The following GLYATL3 variants were observed in gnomAD, a reference collection of about 807,000 sequenced individuals.
The protein encoded by GLYATL3 is glycine-N-acyltransferase like 3, also known as glycine N-acyltransferase-like protein 3.
GLYATL3 carries 31 observed loss-of-function variants against 28.5 expected under a neutral mutation model. That is an observed-to-expected ratio of 1.09 (90% CI 0.82 to 1.47). The LOEUF (loss-of-function observed/expected upper bound fraction) is 1.47. Among genes scored for constraint, GLYATL3 ranks in the 40% most tolerant of loss-of-function variants. The pLI is 0.00. For missense variants in GLYATL3, 369 were observed against 351.5 expected, an observed-to-expected ratio of 1.05 and a Z score of -0.40; for synonymous variants, 141 against 140.2, an observed-to-expected ratio of 1.01 and a Z score of -0.04.
At position 49,527,733 on chromosome 6, in the gene GLYATL3, C is replaced by T. The variant is rs1353308635; in HGVS notation, c.*819C>T. ...CCCCCTTATTTATAGTCTACTTTCC[C>T]ATATAAAACTAAGATTTATATATAG... On this transcript the variant is annotated 3_prime_UTR_variant, in exon 6 of 6. Coordinates refer to ENST00000371197, the MANE Select transcript of GLYATL3 (RefSeq NM_001010904.2). Among the ~76,000 whole-genome samples, 1 of 152,060 alleles carries T rather than the reference C, an allele frequency of 6.6e-6. No individual in the cohort carries two copies. Among genetic ancestry groups the T allele is most frequent in the Non-Finnish European group, 1.5e-5 (1 of 68,034 alleles).
chr6:49,501,469 T>TGATTATG (rs1768912820), intron 1 of GLYATL3, among the ~76,000 whole-genome samples: 1 of 152,196 alleles, frequency 6.6e-6, no homozygotes, highest in Admixed American at 6.5e-5. Flanking sequence ...GTGAGGGATT[T>TGATTATG]AGGGTCATTT....
intron 2 of GLYATL3, among the ~76,000 whole-genome samples, chr6:49,512,508 A>C (rs1326974920): frequency 1.3e-5 from 2 of 152,074 alleles, no homozygotes; most frequent in Non-Finnish European, 2.9e-5. Flanking sequence ...CTCCTAAGGA[A>C]ATTTAGGTAA....
intron 3 of GLYATL3, among the ~76,000 whole-genome samples, chr6:49,516,897 C>A (rs1195393758): frequency 3.3e-5 from 5 of 151,458 alleles, no homozygotes; most frequent in Admixed American, 2.6e-4. Context: ...GTGGCTCATG[C>A]CTGTAATGCC....
intron 4 of GLYATL3, among the ~76,000 whole-genome samples, chr6:49,519,309 C>G (rs951027007): frequency 6.6e-6 from 1 of 152,158 alleles, no homozygotes; most frequent in Non-Finnish European, 1.5e-5. Context: ...TTGACCCAAT[C>G]ATTCTTTCTG....
intron 2 of GLYATL3, among the ~76,000 whole-genome samples, chr6:49,513,132 C>T (rs983423290): frequency 3.3e-5 from 5 of 152,098 alleles, no homozygotes; most frequent in South Asian, 4.1e-4. Flanking sequence ...GTGACCTTTA[C>T]AGGATAATAA....
At chr6:49,510,057 G>A (rs150257768) in intron 1 of GLYATL3, among the ~76,000 whole-genome samples, 7 of 122,492 alleles carry the variant, frequency 5.7e-5, no homozygotes, top group Non-Finnish European at 1.2e-4. Context: ...TTTTTTTGAC[G>A]GAGTTTTGCA....
chr6:49,506,034 T>C (rs1769005192), intron 1 of GLYATL3, among the ~76,000 whole-genome samples: 1 of 152,222 alleles, frequency 6.6e-6, no homozygotes, highest in African/African-American at 2.4e-5. Context: ...ATAGATGAGA[T>C]AATGCATAAG....
At chr6:49,520,752 A>G (rs571927719) in intron 4 of GLYATL3, among the ~76,000 whole-genome samples, 1 of 152,210 alleles carries the variant, frequency 6.6e-6, no homozygotes, top group Non-Finnish European at 1.5e-5. Flanking sequence ...ATGGTGGATT[A>G]TGCCTGTAAT....
chr6:49,508,701 G>T (rs1302437595), intron 1 of GLYATL3, among the ~76,000 whole-genome samples: 2 of 152,220 alleles, frequency 1.3e-5, no homozygotes, highest in Non-Finnish European at 2.9e-5. Context: ...TGCAGGGGAA[G>T]CACATCACGT....
intron 1 of GLYATL3, among the ~76,000 whole-genome samples, chr6:49,501,649 G>A (rs1768915050): frequency 1.3e-5 from 2 of 152,290 alleles, no homozygotes; most frequent in South Asian, 2.1e-4. Flanking sequence ...ATGATTAGCA[G>A]GATATTAATC....
At chr6:49,503,728 G>A (rs1392937382) in intron 1 of GLYATL3, among the ~76,000 whole-genome samples, 1 of 152,188 alleles carries the variant, frequency 6.6e-6, no homozygotes. Flanking sequence ...ATTGGGATGT[G>A]TGAATATAAT....
chr6:49,520,511 A>G (rs1379762793), intron 4 of GLYATL3, among the ~76,000 whole-genome samples: 1 of 152,220 alleles, frequency 6.6e-6, no homozygotes, highest in African/African-American at 2.4e-5. Context: ...ACTGTGTTCA[A>G]TACACCTTCC....
At chr6:49,516,552 C>T (rs913935465) in intron 3 of GLYATL3, among the ~76,000 whole-genome samples, 1 of 152,018 alleles carries the variant, frequency 6.6e-6, no homozygotes, top group African/African-American at 2.4e-5. Flanking sequence ...AGTTGTAATT[C>T]TTGGAGGTGA....
chr6:49,527,570 C>A lies in GLYATL3; in HGVS notation c.*656C>A, dbSNP rs1049645629. On this transcript the variant is annotated 3_prime_UTR_variant, in exon 6 of 6. Coordinates refer to ENST00000371197, the MANE Select transcript of GLYATL3 (RefSeq NM_001010904.2). Reference sequence around the variant, plus strand: ...ACACATCACTAGGCCTCTCCTTCTACGAGGTAGGGCCCAAAATTTGCATTT... The same window carrying A: ...ACACATCACTAGGCCTCTCCTTCTAAGAGGTAGGGCCCAAAATTTGCATTT... Among the ~76,000 whole-genome samples the A allele has an allele frequency of 6.6e-6, 1 of 152,166 alleles. No homozygotes were observed. The highest frequency in any genetic ancestry group is 1.5e-5 in the Non-Finnish European group (1 of 68,034).
intron 1 of GLYATL3, among the ~76,000 whole-genome samples, chr6:49,501,158 G>A (rs1006230587): frequency 6.6e-6 from 1 of 152,148 alleles, no homozygotes; most frequent in Non-Finnish European, 1.5e-5. Flanking sequence ...CCAGCACTTT[G>A]GGGGGCCAAG....
chr6:49,512,143 T>C, intron 2 of GLYATL3, 75 bp downstream of exon 2: 1 of 732,816 alleles, frequency 1.4e-6, no homozygotes, highest in Non-Finnish European at 2.2e-6. Context: ...CTTGTGGCTA[T>C]TTTCCTTTTT....
chr6:49,506,649 C>T (rs1319113504), intron 1 of GLYATL3, among the ~76,000 whole-genome samples: 2 of 152,118 alleles, frequency 1.3e-5, no homozygotes, highest in Non-Finnish European at 2.9e-5. Flanking sequence ...CTGTTACCAT[C>T]CTCCATTTTC....
chr6:49,500,620 T>C (rs1156959663), intron 1 of GLYATL3, among the ~76,000 whole-genome samples: 1 of 152,184 alleles, frequency 6.6e-6, no homozygotes, highest in East Asian at 1.9e-4. Flanking sequence ...AAACTTCAGT[T>C]TCTAAAACTT....
At chr6:49,506,372 C>T (rs1179898684) in intron 1 of GLYATL3, among the ~76,000 whole-genome samples, 14 of 152,026 alleles carry the variant, frequency 9.2e-5, no homozygotes, top group South Asian at 2.1e-4. Context: ...AACACAGTAC[C>T]GACAAACAAC....
Sources: gnomAD v4.1 joint callset for allele counts (sites outside exome capture counted in the v4.1 genomes callset) on GRCh38, gnomAD v4.1.1 for gene constraint, MANE v1.5 for transcripts, NCBI Gene and HGNC (gene_info 2026-07-23, HGNC 2026-07-21) for gene names.